Variants in LRRFIP2 observed in about 807,000 individuals in gnomAD.
LRRFIP2 encodes LRR binding FLII interacting protein 2, also known as leucine-rich repeat flightless-interacting protein 2.
Under a neutral mutation model 125.9 loss-of-function variants are expected in LRRFIP2, and 109 were observed. That is an observed-to-expected ratio of 0.87 (90% CI 0.74 to 1.01). The LOEUF (loss-of-function observed/expected upper bound fraction) is 1.01. LRRFIP2 is among the 50% of genes least tolerant of loss of function. LRRFIP2 has a pLI of 0.00. For missense variants in LRRFIP2, 850 were observed against 862.3 expected (o/e 0.99, Z 0.18); for synonymous variants, 291 against 293.1 (o/e 0.99, Z 0.07).
chr3:37,115,235 G>C, intron 6 of LRRFIP2, 140 bp from the exon 7 acceptor site: 1 of 568,518 alleles, frequency 1.8e-6, no homozygotes, highest in Non-Finnish European at 3.1e-6. Context: ...AGCTAATCCA[G>C]TTGAATTAAA....
intron 25 of LRRFIP2, among the ~76,000 whole-genome samples, chr3:37,056,106 T>C (rs2086788277): frequency 6.6e-6 from 1 of 152,232 alleles, no homozygotes; most frequent in African/African-American, 2.4e-5. Flanking sequence ...CCTAGCCAAG[T>C]GCACACAGTG....
In LRRFIP2 at chr3:37,053,901, G is replaced by A. The variant is rs1286452590; in HGVS notation, c.2116C>T (p.Arg706Trp). ...CTATTGGCCTTCATCTTCTCCAGCC[G>A]CTTGGCCAGGTGGCTGTTGGTCATC... ...MEMTNSHLAK[R>W]LEKMKANRTA... Residue 706 changes from arginine to tryptophan, a missense_variant, in exon 28 of 28, where the codon CGG becomes TGG. Physicochemically the swap from Arg to Trp is moderately radical, Grantham distance 101. Coordinates refer to ENST00000336686, the MANE Select transcript of LRRFIP2 (RefSeq NM_006309.4). 6.2e-6 allele frequency: 10 copies of A among 1,614,084 alleles called. No homozygotes were observed. Among genetic ancestry groups the A allele is most frequent in the East Asian group, 2.2e-5 (1 of 44,880 alleles).
In LRRFIP2 at chr3:37,084,430, A is replaced by C. The variant is rs185768887; in HGVS notation, c.1108-624T>G. The stretch of plus-strand genomic sequence containing the variant: ...GTAATCCCAGCACTTTGGGAGGCCA[A>C]GGGGGTAGACTGCTTGAGCCCAGGA... On this transcript the variant is annotated intron_variant, in intron 18 of 27. Coordinates refer to ENST00000336686, the MANE Select transcript of LRRFIP2 (RefSeq NM_006309.4). Among the ~76,000 whole-genome samples the C allele has an allele frequency of 2.8e-3, 423 of 152,226 alleles. 3 individuals carry two copies. The highest frequency in any genetic ancestry group is 9.8e-3 in the African/African-American group (406 of 41,524).
chr3:37,114,422 GT>G (rs1279261840), intron 7 of LRRFIP2, among the ~76,000 whole-genome samples: 6 of 152,238 alleles, frequency 3.9e-5, no homozygotes, highest in Non-Finnish European at 7.4e-5. Flanking sequence ...ATGAAGACAA[GT>G]TTCTAACAGT....
chr3:37,090,382 C>T (rs1250692120), intron 18 of LRRFIP2, among the ~76,000 whole-genome samples: 2 of 152,134 alleles, frequency 1.3e-5, no homozygotes, highest in Non-Finnish European at 2.9e-5. Context: ...GCGCCTGCCA[C>T]CATGCCTGGT....
chr3:37,089,866 T>C (rs1277006727), intron 18 of LRRFIP2, among the ~76,000 whole-genome samples: 5 of 152,310 alleles, frequency 3.3e-5, no homozygotes, highest in African/African-American at 1.2e-4. Context: ...AGAGATTAAA[T>C]CCTGAAGATT....
chr3:37,139,685 T>C (rs907132321), intron 2 of LRRFIP2, among the ~76,000 whole-genome samples: 9 of 152,250 alleles, frequency 5.9e-5, no homozygotes, highest in Admixed American at 3.9e-4. Flanking sequence ...CATTTTATGA[T>C]GTCCTCCCCA....
At chr3:37,148,801 G>A in intron 2 of LRRFIP2, 93 bp downstream of exon 2, 1 of 1,363,964 alleles carries the variant, frequency 7.3e-7, no homozygotes, top group Non-Finnish European at 1.0e-6. Flanking sequence ...TCTGAAACTA[G>A]TTCAATGAGT....
intron 2 of LRRFIP2, among the ~76,000 whole-genome samples, chr3:37,131,877 G>A (rs536905125): frequency 3.3e-4 from 50 of 152,198 alleles, no homozygotes; most frequent in Non-Finnish European, 6.3e-4. Flanking sequence ...AAGAAGCAGA[G>A]AGAGTTAAAT....
In LRRFIP2 at chr3:37,083,664, A is replaced by G; in HGVS notation, c.1250T>C (p.Phe417Ser). The G allele has an allele frequency of 6.4e-7, 1 of 1,563,824 alleles. No individual in the cohort carries two copies. Among genetic ancestry groups the G allele is most frequent in the Non-Finnish European group, 8.6e-7 (1 of 1,163,860 alleles). ...IEEQEEQMAE[F>S]YRENEEKSKE... The stretch of plus-strand genomic sequence containing the variant: ...TGATTTTTCTTCATTTTCTCTATAA[A>G]ATTCTGCCATCTGTTCCTCCTGCTC... Residue 417 changes from phenylalanine to serine, a missense_variant, in exon 19 of 28, where the codon TTT becomes TCT. Transcript: ENST00000336686.
intron 25 of LRRFIP2, among the ~76,000 whole-genome samples, chr3:37,056,276 C>G (rs2086831273): frequency 6.6e-6 from 1 of 152,028 alleles, no homozygotes; most frequent in African/African-American, 2.4e-5. Flanking sequence ...AAAATCCCTC[C>G]AAGAATCCAA....
At chr3:37,113,022 C>G (rs749138144) in intron 7 of LRRFIP2, 42 bp from the exon 8 acceptor site, 2 of 1,125,456 alleles carry the variant, frequency 1.8e-6, no homozygotes, top group Non-Finnish European at 1.3e-6. Flanking sequence ...GATTGCATAG[C>G]GAAGTTATGA....
rs1227563440 is a variant in LRRFIP2, at chr3:37,131,411, C to T, written c.91-2262G>A. On this transcript the variant is annotated intron_variant, in intron 2 of 27. Transcript: ENST00000336686. ...AAAATTCCATGCTTCTCTCACCCCA[C>T]AACTTTTATGCCTCAAGGTCTGCTA... 2.0e-5 allele frequency among the ~76,000 whole-genome samples: 3 copies of T among 152,106 alleles called. No individual in the cohort carries two copies. The East Asian group carries it at 5.8e-4, about 29-fold the overall frequency.
At position 37,058,790 on chromosome 3, in the gene LRRFIP2, T is replaced by G; in HGVS notation, c.1870A>C (p.Arg624=). Residue 624 remains arginine (R), a splice_region_variant and synonymous_variant, in exon 25 of 28, where the codon AGA becomes CGA. Transcript: ENST00000336686. ...GACTGGCCTGTCCCCTGGTACCTAC[T>G]CTGCATTTCGATGAACTGCAAGTCT... ...GSDLQFIEMQ[R]DANRQISEYK... is the part of the protein sequence containing the mutation. 2 of 1,613,770 alleles carry G rather than the reference T, an allele frequency of 1.2e-6. No individual in the cohort carries two copies. Among genetic ancestry groups the G allele is most frequent in the Non-Finnish European group, 1.7e-6 (2 of 1,179,816 alleles).
chr3:37,081,463 T>C (rs967627498), intron 19 of LRRFIP2, among the ~76,000 whole-genome samples: 3 of 152,120 alleles, frequency 2.0e-5, no homozygotes, highest in African/African-American at 7.2e-5. Context: ...TATAAAGCAA[T>C]AGTTGTTTAG....
chr3:37,162,179 A>G (rs1490109733), intron 1 of LRRFIP2, among the ~76,000 whole-genome samples: 4 of 139,982 alleles, frequency 2.9e-5, no homozygotes, highest in Non-Finnish European at 4.7e-5. Context: ...AAAAAAAAAG[A>G]AGAGAGAGAG....
intron 14 of LRRFIP2, 57 bp downstream of exon 14, chr3:37,105,398 C>T: frequency 7.4e-7 from 1 of 1,349,490 alleles, no homozygotes; most frequent in Non-Finnish European, 1.1e-6. Context: ...TTCATGTGAT[C>T]ATGCATTGCT....
chr3:37,174,169 C>G (rs1285775352), intron 1 of LRRFIP2: 1 of 152,136 alleles, frequency 6.6e-6, no homozygotes, highest in African/African-American at 2.4e-5. Flanking sequence ...ACAGGATAGA[C>G]TTGCCATTAT....
intron 1 of LRRFIP2, among the ~76,000 whole-genome samples, chr3:37,150,679 G>C (rs1441896838): frequency 6.6e-6 from 1 of 152,096 alleles, no homozygotes; most frequent in Non-Finnish European, 1.5e-5. Context: ...ACATTGCTAA[G>C]AAGTATAGCT....
Sources: allele counts gnomAD v4.1 joint callset (sites outside exome capture counted in the v4.1 genomes callset), GRCh38; gene constraint gnomAD v4.1.1; transcripts MANE v1.5; gene names NCBI Gene and HGNC (gene_info 2026-07-23, HGNC 2026-07-21).